Variants in RPS9 observed in about 807,000 individuals in gnomAD.
The protein encoded by RPS9 is small ribosomal subunit protein uS4.
A neutral mutation model predicts 16.9 loss-of-function variants in RPS9; 1 was observed. The observed-to-expected ratio is 0.06, with a 90% CI of 0.02 to 0.28. The LOEUF is 0.28. RPS9 is among the 10% of genes least tolerant of loss of function. The pLI is 1.00. For synonymous variants in RPS9, 106 were observed against 110.9 expected (o/e 0.96, Z 0.28); for missense variants, 137 against 273.2 (o/e 0.50, Z 3.51).
At position 54,206,268 on chromosome 19, in the gene RPS9, C is replaced by G. The variant is rs1430966557; in HGVS notation, c.221-8C>G. Reference sequence around the variant, plus strand: ...GGCGGAATCAGTGTTTCCTCCCACTCTTCCCAGGCAACGCCCTGCTGCGGC... The same window carrying G: ...GGCGGAATCAGTGTTTCCTCCCACTGTTCCCAGGCAACGCCCTGCTGCGGC... On this transcript the variant is annotated splice_polypyrimidine_tract_variant and splice_region_variant and intron_variant, in intron 3 of 4. Transcript: ENST00000302907. 3.7e-6 allele frequency: 6 copies of G among 1,610,062 alleles called. No individual in the cohort carries two copies. The highest frequency in any genetic ancestry group is 2.5e-6 in the Non-Finnish European group (3 of 1,176,822).
intron 3 of RPS9, among the ~76,000 whole-genome samples, chr19:54,205,324 T>C (rs2147151786): frequency 6.7e-6 from 1 of 150,362 alleles, no homozygotes; most frequent in East Asian, 2.0e-4. Flanking sequence ...CAAGCCGTCC[T>C]GAGCCTGGGG....
chr19:54,207,558 G>A lies in RPS9; in HGVS notation c.568G>A (p.Asp190Asn), dbSNP rs1439282774. The change falls in exon 5 of 5, where the codon GAC (aspartate) becomes AAC (asparagine). Residue 190 changes from aspartate (D) to asparagine (N), a missense_variant. Physicochemically the swap from Asp to Asn is conservative, Grantham distance 23. This residue lies in a region of RPS9 where 19 missense variants were observed against 18.2 expected (regional missense o/e 1.04). Coordinates refer to ENST00000302907, the MANE Select transcript of RPS9 (RefSeq NM_001013.4). The part of the protein sequence containing the change: ...KGQGGAGAGD[D>N]EEED Reference sequence around the variant, plus strand: ...CCAGGGTGGGGCTGGGGCTGGAGACGACGAGGAGGAGGATTAAGTCCACCT... The same window carrying A: ...CCAGGGTGGGGCTGGGGCTGGAGACAACGAGGAGGAGGATTAAGTCCACCT... The A allele has an allele frequency of 3.7e-6, 6 of 1,610,600 alleles. No individual in the cohort carries two copies. Among genetic ancestry groups the A allele is most frequent in the African/African-American group, 2.7e-5 (2 of 74,972 alleles).
chr19:54,205,759 C>T (rs962731586), intron 3 of RPS9, among the ~76,000 whole-genome samples: 1 of 152,162 alleles, frequency 6.6e-6, no homozygotes, highest in Non-Finnish European at 1.5e-5. Context: ...ATTTTGCCCT[C>T]CTGTCATCTG....
intron 3 of RPS9, among the ~76,000 whole-genome samples, chr19:54,205,851 C>T (rs1231347281): frequency 6.6e-6 from 1 of 152,184 alleles, no homozygotes; most frequent in Admixed American, 6.5e-5. Context: ...GGGCCTCACT[C>T]TGTCGCCCAG....
intron 4 of RPS9, 191 bp downstream of exon 4, chr19:54,206,653 G>A: frequency 1.9e-6 from 3 of 1,549,402 alleles, no homozygotes; most frequent in South Asian, 2.4e-5. Context: ...CAATAGCCCA[G>A]CGCAAGGGTC....
At chr19:54,205,406 G>C (rs1227486794) in intron 3 of RPS9, among the ~76,000 whole-genome samples, 1 of 151,350 alleles carries the variant, frequency 6.6e-6, no homozygotes, top group Non-Finnish European at 1.5e-5. Flanking sequence ...ATACATACTA[G>C]ATATATTTTT....
intron 3 of RPS9, among the ~76,000 whole-genome samples, chr19:54,203,954 T>C (rs3865475): frequency 0.31 from 46,579 of 152,202 alleles, 8,405 homozygotes; most frequent in East Asian, 0.43. Flanking sequence ...ATTGGCCCAG[T>C]GGAGCCTCAG....
intron 2 of RPS9, 82 bp downstream of exon 2, chr19:54,201,363 C>G: frequency 1.2e-6 from 2 of 1,608,214 alleles, no homozygotes; most frequent in Non-Finnish European, 1.7e-6. Flanking sequence ...TGTACTCTAT[C>G]TAGTCCGTCC....
chr19:54,204,266 C>G (rs1021692027), intron 3 of RPS9, among the ~76,000 whole-genome samples: 1 of 152,140 alleles, frequency 6.6e-6, no homozygotes, highest in African/African-American at 2.4e-5. Flanking sequence ...TGCCTTTAAT[C>G]CCAGGCTGAG....
intron 3 of RPS9, among the ~76,000 whole-genome samples, chr19:54,205,119 T>TA (rs1299485148): frequency 6.6e-6 from 1 of 152,116 alleles, no homozygotes; most frequent in Non-Finnish European, 1.5e-5. Context: ...AGCCACTTTT[T>TA]ATAAAAGTGC....
chr19:54,207,347 G>C, intron 4 of RPS9, 51 bp from the exon 5 acceptor site: 1 of 1,496,354 alleles, frequency 6.7e-7, no homozygotes, highest in Non-Finnish European at 9.2e-7. Flanking sequence ...CGGTAGCTGG[G>C]GTTAGCGTCC....
chr19:54,203,964 G>A (rs755888379), intron 3 of RPS9, among the ~76,000 whole-genome samples: 3 of 152,206 alleles, frequency 2.0e-5, no homozygotes, highest in Non-Finnish European at 4.4e-5. Context: ...TGGAGCCTCA[G>A]CAGTAGGACA....
chr19:54,207,215 G>A, intron 4 of RPS9, 183 bp from the exon 5 acceptor site: 1 of 560,900 alleles, frequency 1.8e-6, no homozygotes, highest in Non-Finnish European at 3.1e-6. Context: ...CATTTTTGGG[G>A]ATTAAGGTGA....
intron 3 of RPS9, 38 bp from the exon 4 acceptor site, chr19:54,206,238 C>G: frequency 6.3e-7 from 1 of 1,599,048 alleles, no homozygotes; most frequent in African/African-American, 1.3e-5. Context: ...AGCCTGAGGT[C>G]AGAAGGCGGA....
In RPS9 at chr19:54,206,862, T is replaced by C. The variant is rs1190027359; in HGVS notation, c.407+400T>C. On this transcript the variant is annotated intron_variant, in intron 4 of 4. Transcript: ENST00000302907. ...ATGACTGCGTTCTGGGTACTCAGTG[T>C]GCCCTTTCTGTAATGTGGCACCATT... 1.0e-5 allele frequency: 7 copies of C among 702,998 alleles called. No homozygotes were observed. The East Asian group carries it at 1.7e-4, about 17-fold the overall frequency. 43.5% of individuals were successfully genotyped at this position (702,998 alleles called of 1,614,324 possible).
intron 3 of RPS9, among the ~76,000 whole-genome samples, chr19:54,204,444 C>T (rs575257522): frequency 1.3e-5 from 2 of 152,260 alleles, no homozygotes; most frequent in South Asian, 2.1e-4. Context: ...CACTTTGTCT[C>T]CCGGGCTGGA....
chr19:54,200,862 T>C lies in RPS9; in HGVS notation c.-52T>C, dbSNP rs985861376. On this transcript the variant is annotated 5_prime_UTR_variant, in exon 1 of 5. Transcript: ENST00000302907. ...GCAGCCGTGGCGCTTCCGCGCCTCT[T>C]TCTCAGTGACCGGGTGGTTTGCTTA... is the stretch of plus-strand genomic sequence containing the variant. 1.3e-5 allele frequency: 14 copies of C among 1,104,306 alleles called. No homozygotes were observed. Among genetic ancestry groups the C allele is most frequent in the Non-Finnish European group, 1.4e-5 (13 of 902,026 alleles). The allele number at this position is 1,104,306 out of a possible 1,614,324, so 68.4% of individuals were successfully genotyped here.
chr19:54,206,749 G>T, intron 4 of RPS9: 1 of 1,457,850 alleles, frequency 6.9e-7, no homozygotes, highest in East Asian at 2.5e-5. Context: ...TGTCCCCAGT[G>T]GAGGGAGAGA....
chr19:54,201,447 T>G (rs1161783667), intron 2 of RPS9, 40 bp from the exon 3 acceptor site: 1 of 1,613,218 alleles, frequency 6.2e-7, no homozygotes, highest in Non-Finnish European at 8.5e-7. Context: ...GTTGTGCCAG[T>G]ACGTGGGACT....
Sources: allele counts gnomAD v4.1 joint callset (sites outside exome capture counted in the v4.1 genomes callset), GRCh38; gene constraint gnomAD v4.1.1; regional missense constraint gnomAD v4.1.1; transcripts MANE v1.5; gene names NCBI Gene and HGNC (gene_info 2026-07-23, HGNC 2026-07-21).